Variants in SLCO5A1 observed in about 807,000 individuals in gnomAD.
The protein encoded by SLCO5A1 is organic anion transporter polypeptide-related protein 4.
SLCO5A1 carries 39 observed loss-of-function variants against 65.1 expected under a neutral mutation model. The observed-to-expected ratio is 0.60, with a 90% CI of 0.46 to 0.78. The LOEUF (loss-of-function observed/expected upper bound fraction) is 0.78, where lower values mean the gene tolerates loss of function less well. Ranked by LOEUF, SLCO5A1 falls within the 30% of genes least tolerant of loss-of-function variation. The pLI, the probability that SLCO5A1 is intolerant of heterozygous loss-of-function variation, is 0.00. For synonymous variants in SLCO5A1, 438 were observed against 415.7 expected, an observed-to-expected ratio of 1.05 and a Z score of -0.65; for missense variants, 1,029 against 1,069.4, an observed-to-expected ratio of 0.96 and a Z score of 0.53.
intron 5 of SLCO5A1, among the ~76,000 whole-genome samples, chr8:69,714,543 G>A (rs1815426754): frequency 6.6e-6 from 1 of 152,194 alleles, no homozygotes; most frequent in Non-Finnish European, 1.5e-5. Context: ...TATAACTTCA[G>A]TTAGAGGAGA....
intron 3 of SLCO5A1, among the ~76,000 whole-genome samples, chr8:69,761,090 T>C (rs1473041538): frequency 6.6e-6 from 1 of 152,068 alleles, no homozygotes; most frequent in Non-Finnish European, 1.5e-5. Flanking sequence ...AGCAGGAAAG[T>C]CCCCACGCAG....
At chr8:69,700,195 T>A (rs2130805987) in intron 6 of SLCO5A1, 1 of 152,274 alleles carries the variant, frequency 6.6e-6, no homozygotes, top group East Asian at 1.9e-4. Flanking sequence ...AAAGGACATA[T>A]GAAATGGTGA....
rs1184165460 is a variant in SLCO5A1 at position 69,767,907 on chromosome 8, A to G, written c.908-6032T>C. On this transcript the variant is annotated intron_variant, in intron 2 of 9. Transcript: ENST00000260126. ...TCCATCTCAAAAAAAAAAAAAAAAA[A>G]AAAACAAAAAGAAAAAGAAAAAGAA... Among the ~76,000 whole-genome samples, 116 of 139,364 alleles carry G rather than the reference A, an allele frequency of 8.3e-4. 4 individuals are homozygous for G. Among genetic ancestry groups the G allele is most frequent in the African/African-American group, 3.3e-3 (107 of 32,394 alleles). The allele number at this position is 139,364 out of a possible 152,430, so 91.4% of individuals were successfully genotyped here. A position where few individuals can be genotyped will look rare whatever the true frequency, so the allele number is the denominator to read the frequency against.
rs767231396 is a variant in SLCO5A1, at chr8:69,679,421, T to G, written c.1981A>C (p.Ile661Leu). 2 of 1,614,100 alleles carry G rather than the reference T, an allele frequency of 1.2e-6. No individual in the cohort carries two copies. Among genetic ancestry groups the G allele is most frequent in the Non-Finnish European group, 1.7e-6 (2 of 1,180,030 alleles). Residue 661 changes from isoleucine (I) to leucine (L), a missense_variant, in exon 8 of 10, where the codon ATC becomes CTC. This residue lies in a region of SLCO5A1 where 258 missense variants were observed against 237.4 expected (regional missense o/e 1.09). Coordinates refer to ENST00000260126, the MANE Select transcript of SLCO5A1 (RefSeq NM_030958.3). ...GCTGATGGTTGGGCACATGCTGTGATGAAGGTGACTATGAAAAGAAAAACT... is the reference window on the plus strand; with the variant it reads ...GCTGATGGTTGGGCACATGCTGTGAGGAAGGTGACTATGAAAAGAAAAACT... ...FLVFLFIVTF[I>L]TACAQPSAII... is the part of the protein sequence containing the mutation.
chr8:69,674,275 A>C (rs976103864), intron 9 of SLCO5A1, among the ~76,000 whole-genome samples: 1 of 152,182 alleles, frequency 6.6e-6, no homozygotes, highest in Non-Finnish European at 1.5e-5. Flanking sequence ...CAAAGACCTC[A>C]ATAAAAATTT....
At chr8:69,722,675 A>T (rs1157346018) in intron 5 of SLCO5A1, among the ~76,000 whole-genome samples, 1 of 152,010 alleles carries the variant, frequency 6.6e-6, no homozygotes, top group Non-Finnish European at 1.5e-5. Context: ...ACTGAAACCT[A>T]GTCTCTTAAC....
chr8:69,731,794 G>C (rs1277004348), intron 5 of SLCO5A1, among the ~76,000 whole-genome samples: 1 of 152,264 alleles, frequency 6.6e-6, no homozygotes, highest in African/African-American at 2.4e-5. Flanking sequence ...CAAAATGTTG[G>C]TTTGCAAGTA....
chr8:69,777,639 G>A (rs538867674), intron 2 of SLCO5A1, among the ~76,000 whole-genome samples: 1 of 152,252 alleles, frequency 6.6e-6, no homozygotes, highest in Non-Finnish European at 1.5e-5. Context: ...CAATTCTTAA[G>A]TTTTAAATTG....
rs1172794524 is a variant in SLCO5A1 at position 69,668,715 on chromosome 8, T to C, written c.*4154A>G. On this transcript the variant is annotated 3_prime_UTR_variant, in exon 10 of 10. Coordinates refer to ENST00000260126, the MANE Select transcript of SLCO5A1 (RefSeq NM_030958.3). ...GTGCACCAAAGAGCGCAAGCTGGAATTGTGGACTGAAGAAGAATTTTCTTG... is the reference window on the plus strand; with the variant it reads ...GTGCACCAAAGAGCGCAAGCTGGAACTGTGGACTGAAGAAGAATTTTCTTG... The C allele has an allele frequency of 6.6e-6, 1 of 152,156 alleles. No individual in the cohort carries two copies. Among genetic ancestry groups the C allele is most frequent in the Non-Finnish European group, 1.5e-5 (1 of 68,032 alleles). The allele number at this position is 152,156 out of a possible 1,614,324, so 9.4% of individuals were successfully genotyped here.
chr8:69,804,352 C>T (rs1819894825), intron 2 of SLCO5A1, among the ~76,000 whole-genome samples: 1 of 152,126 alleles, frequency 6.6e-6, no homozygotes, highest in Admixed American at 6.6e-5. Flanking sequence ...CTCACTCTGT[C>T]ACCCAGGCTG....
Position 69,832,621 on chromosome 8 carries a change from G to A in SLCO5A1, c.53C>T (p.Pro18Leu), listed in dbSNP as rs61730155. The A allele has an allele frequency of 7.4e-3, 11,894 of 1,610,088 alleles. 58 individuals carry two copies. The highest frequency in any genetic ancestry group is 9.4e-3 in the Non-Finnish European group (11,146 of 1,179,918). ...CTCTTGGACAGCTTCTGCAGTGGCC[G>A]GCGCCTCCAGCTGCTCTCCCGCCCC... The part of the protein sequence containing the change: ...QPGAGEQLEA[P>L]ATAEAVQERC... The change falls in exon 2 of 10, where the codon CCG becomes CTG. Residue 18 changes from proline to leucine, a missense_variant. Pro to Leu is a moderately conservative substitution (Grantham distance 98, BLOSUM62 -3). Transcript: ENST00000260126. This position sits in a 1 kb window ranked among gnomAD's most constrained non-coding sequence, Gnocchi z 4.5.
In SLCO5A1 at chr8:69,761,695, CTAT is replaced by C. The variant is rs755338952; in HGVS notation, c.1040+45_1040+47del. 3.8e-6 allele frequency: 6 copies of C among 1,587,716 alleles called. No homozygotes were observed. The African/African-American group carries it at 6.8e-5, about 18-fold the overall frequency. ...AAATACAAGTGTACCATGACTTTAACTATTATTAGTAAGAACTGAAATTTAAAA... is the reference window on the plus strand; with the variant it reads ...AAATACAAGTGTACCATGACTTTAACTATTAGTAAGAACTGAAATTTAAAA... On this transcript the variant is annotated intron_variant, in intron 3 of 9. Transcript: ENST00000260126.
intron 2 of SLCO5A1, among the ~76,000 whole-genome samples, chr8:69,824,352 C>A (rs1330531340): frequency 1.3e-5 from 2 of 151,950 alleles, no homozygotes; most frequent in Non-Finnish European, 2.9e-5. Flanking sequence ...GTTTTTTGAA[C>A]AGATCAACAA....
chr8:69,682,382 CA>C (rs769745443), intron 6 of SLCO5A1, 39 bp from the exon 7 acceptor site: 35 of 1,459,866 alleles, frequency 2.4e-5, no homozygotes, highest in Non-Finnish European at 3.1e-5. Flanking sequence ...CAACACTTAC[CA>C]AAATAAAACT....
intron 2 of SLCO5A1, among the ~76,000 whole-genome samples, chr8:69,789,069 GT>G (rs1238637325): frequency 6.6e-6 from 1 of 152,116 alleles, no homozygotes; most frequent in Non-Finnish European, 1.5e-5. Flanking sequence ...ATAGTCATCT[GT>G]TTCAGTATTG....
intron 2 of SLCO5A1, among the ~76,000 whole-genome samples, chr8:69,785,861 C>G (rs1191457628): frequency 6.6e-6 from 1 of 152,156 alleles, no homozygotes; most frequent in African/African-American, 2.4e-5. Context: ...CCAAATAATA[C>G]ATAAGAAATC....
Position 69,755,516 on chromosome 8 carries a change from A to G in SLCO5A1, c.1166T>C (p.Val389Ala), listed in dbSNP as rs1203979596. ...KKKKKFSVDAVSDDDVLKEKS... is the reference protein window; with the variant it reads ...KKKKKFSVDAASDDDVLKEKS... ...CTCCTTCAGAACATCGTCATCACTA[A>G]CAGCATCAACAGAAAATTTTTTCTT... Residue 389 changes from valine (V) to alanine (A), a missense_variant, in exon 4 of 10, where the codon GTT (valine) becomes GCT (alanine). Physicochemically the swap from Val to Ala is moderately conservative, Grantham distance 64. Coordinates refer to ENST00000260126, the MANE Select transcript of SLCO5A1 (RefSeq NM_030958.3). 13 of 1,613,960 alleles carry G rather than the reference A, an allele frequency of 8.1e-6. No individual in the cohort carries two copies. The highest frequency in any genetic ancestry group is 6.7e-5 in the Admixed American group (4 of 60,000).
intron 3 of SLCO5A1, among the ~76,000 whole-genome samples, chr8:69,760,074 C>T (rs1351517647): frequency 6.6e-6 from 1 of 152,206 alleles, no homozygotes; most frequent in East Asian, 1.9e-4. Flanking sequence ...TGGTTCTCCC[C>T]ATCTTTCCCT....
intron 2 of SLCO5A1, among the ~76,000 whole-genome samples, chr8:69,776,422 G>A (rs1352251884): frequency 6.6e-6 from 1 of 152,100 alleles, no homozygotes; most frequent in African/African-American, 2.4e-5. Context: ...GATTGGGCTG[G>A]GTGCTTAGAC....
Sources: allele counts gnomAD v4.1 joint callset (sites outside exome capture counted in the v4.1 genomes callset), GRCh38; gene constraint gnomAD v4.1.1; regional missense constraint gnomAD v4.1.1; non-coding constraint Gnocchi (gnomAD v3.1); transcripts MANE v1.5; gene names NCBI Gene and HGNC (gene_info 2026-07-23, HGNC 2026-07-21).